COX7B2: variants seen among roughly 807,000 people sequenced by gnomAD.
COX7B2 encodes cytochrome c oxidase subunit 7B2.
For missense variants in COX7B2, 109 were observed against 95.9 expected (o/e 1.14, Z -0.57); for synonymous variants, 37 against 32.1 (o/e 1.15, Z -0.51).
chr4:46,734,919 AATTCTG>A lies in COX7B2; in HGVS notation c.*22_*27del. On this transcript the variant is annotated 3_prime_UTR_variant, in exon 3 of 3. Coordinates refer to ENST00000355591, the MANE Select transcript of COX7B2 (RefSeq NM_130902.3). ...TACATGACAAGTTGGTTTTTTAAACAATTCTGTCATTACAGCAACTGTGATGGTTAC... is the reference window on the plus strand; with the variant it reads ...TACATGACAAGTTGGTTTTTTAAACATCATTACAGCAACTGTGATGGTTAC... 6.2e-7 allele frequency: 1 copy of A among 1,613,526 alleles called. No homozygotes were observed. Among genetic ancestry groups the A allele is most frequent in the Non-Finnish European group, 8.5e-7 (1 of 1,179,694 alleles).
intron 2 of COX7B2, among the ~76,000 whole-genome samples, chr4:46,761,343 C>T (rs1358328107): frequency 6.6e-6 from 1 of 152,042 alleles, no homozygotes; most frequent in East Asian, 1.9e-4. Flanking sequence ...TTTCATGCAG[C>T]CAAGGTATCC....
chr4:46,747,530 T>C (rs28713668), intron 2 of COX7B2, among the ~76,000 whole-genome samples: 49,588 of 151,658 alleles, frequency 0.33, 8,372 homozygotes, highest in South Asian at 0.47. Context: ...TCTTGAACTC[T>C]TGACCTCGTG....
At chr4:46,784,454 G>A (rs371271952) in intron 2 of COX7B2, among the ~76,000 whole-genome samples, 6 of 151,996 alleles carry the variant, frequency 3.9e-5, no homozygotes, top group South Asian at 2.1e-4. Flanking sequence ...GTGAAATTCC[G>A]TCTCTATTAA....
At chr4:46,766,991 G>A (rs977195706) in intron 2 of COX7B2, among the ~76,000 whole-genome samples, 1 of 152,034 alleles carries the variant, frequency 6.6e-6, no homozygotes, top group African/African-American at 2.4e-5. Flanking sequence ...TTAACAAAAT[G>A]ACAACAAATG....
At chr4:46,804,158 G>A (rs961297958) in intron 2 of COX7B2, among the ~76,000 whole-genome samples, 17 of 152,104 alleles carry the variant, frequency 1.1e-4, no homozygotes, top group Admixed American at 6.6e-4. Context: ...TGTTCCTCGC[G>A]GTGGGTTCGT....
chr4:46,738,593 A>T (rs1379066211), intron 2 of COX7B2, among the ~76,000 whole-genome samples: 1 of 152,110 alleles, frequency 6.6e-6, no homozygotes, highest in East Asian at 1.9e-4. Flanking sequence ...AATTTTCCAT[A>T]TTGTTTAAAC....
chr4:46,905,816 T>TTTTTTTC (rs1720349335), intron 1 of COX7B2, among the ~76,000 whole-genome samples: 1 of 101,674 alleles, frequency 9.8e-6, no homozygotes, highest in Admixed American at 9.1e-5. Context: ...ATATATTTCT[T>TTTTTTTC]TTTTTTTTTT....
At chr4:46,827,889 A>G (rs1577619895) in intron 2 of COX7B2, among the ~76,000 whole-genome samples, 1 of 152,212 alleles carries the variant, frequency 6.6e-6, no homozygotes, top group African/African-American at 2.4e-5. Flanking sequence ...AAAAAGTAAT[A>G]TTTAGTGACA....
chr4:46,773,455 G>T (rs1716990283), intron 2 of COX7B2, among the ~76,000 whole-genome samples: 1 of 152,138 alleles, frequency 6.6e-6, no homozygotes, highest in Non-Finnish European at 1.5e-5. Flanking sequence ...GGCCCCCCCA[G>T]TCATGCTGAA....
Position 46,904,379 on chromosome 4 carries a change from T to C in COX7B2, c.-105+4781A>G, listed in dbSNP as rs753825581. ...GATAACAGTAATAAATTCCTAAAAA[T>C]GGTCAAAAAAAATGAAAATCACTTC... On this transcript the variant is annotated intron_variant, in intron 1 of 2. Transcript: ENST00000355591. Among the ~76,000 whole-genome samples the C allele has an allele frequency of 5.3e-5, 8 of 151,890 alleles. No homozygotes were observed. The East Asian group carries it at 7.7e-4, about 15-fold the overall frequency.
chr4:46,825,762 C>T (rs940791598), intron 2 of COX7B2, among the ~76,000 whole-genome samples: 13 of 152,084 alleles, frequency 8.5e-5, no homozygotes, highest in African/African-American at 1.2e-4. Context: ...ACAAACCTAA[C>T]AAAAACAAGC....
chr4:46,908,177 C>A (rs897172895), intron 1 of COX7B2, among the ~76,000 whole-genome samples: 1 of 151,928 alleles, frequency 6.6e-6, no homozygotes, highest in African/African-American at 2.4e-5. Flanking sequence ...ATCTATGCCC[C>A]CTATGTAGGC....
intron 2 of COX7B2, among the ~76,000 whole-genome samples, chr4:46,841,083 T>C (rs537894336): frequency 2.0e-5 from 3 of 151,846 alleles, no homozygotes; most frequent in Non-Finnish European, 4.4e-5. Flanking sequence ...GTGAGAAAAC[T>C]AGAAGAGAGG....
chr4:46,792,364 GA>G (rs1289631797), intron 2 of COX7B2, among the ~76,000 whole-genome samples: 3 of 152,160 alleles, frequency 2.0e-5, no homozygotes, highest in Non-Finnish European at 4.4e-5. Flanking sequence ...GGCATTTCTG[GA>G]AGGGATTACA....
intron 2 of COX7B2, among the ~76,000 whole-genome samples, chr4:46,772,707 T>C (rs551017297): frequency 1.6e-4 from 24 of 152,058 alleles, no homozygotes; most frequent in African/African-American, 5.6e-4. Context: ...CTGATTCTCA[T>C]CTTCACAGAA....
At chr4:46,792,547 G>A (rs1047438955) in intron 2 of COX7B2, among the ~76,000 whole-genome samples, 5 of 152,064 alleles carry the variant, frequency 3.3e-5, no homozygotes, top group African/African-American at 1.2e-4. Context: ...TCCTGCCCCG[G>A]GACTGAGGCT....
chr4:46,799,823 G>T (rs538249134), intron 2 of COX7B2, among the ~76,000 whole-genome samples: 1 of 151,948 alleles, frequency 6.6e-6, no homozygotes, highest in African/African-American at 2.4e-5. Flanking sequence ...TTTTTTCATT[G>T]TGTCTCTGGC....
At chr4:46,855,582 A>T (rs1378494679) in intron 1 of COX7B2, among the ~76,000 whole-genome samples, 2 of 152,064 alleles carry the variant, frequency 1.3e-5, no homozygotes, top group Non-Finnish European at 2.9e-5. Flanking sequence ...ATCTATGGTA[A>T]ACTATCCATG....
At chr4:46,806,393 T>A (rs1292634272) in intron 2 of COX7B2, among the ~76,000 whole-genome samples, 1 of 151,980 alleles carries the variant, frequency 6.6e-6, no homozygotes, top group African/African-American at 2.4e-5. Flanking sequence ...GTAATATTCA[T>A]AAGTTTTTTG....
Sources: gnomAD v4.1 joint callset for allele counts (sites outside exome capture counted in the v4.1 genomes callset) on GRCh38, gnomAD v4.1.1 for gene constraint, MANE v1.5 for transcripts, NCBI Gene and HGNC (gene_info 2026-07-23, HGNC 2026-07-21) for gene names.